Variants in MRAS observed in about 807,000 individuals in gnomAD.
MRAS encodes the protein ras-related protein M-Ras.
In MRAS, 4 loss-of-function variants were observed where a neutral mutation model predicts 20.9. The observed-to-expected ratio is 0.19, with a 90% CI of 0.09 to 0.44. The LOEUF is 0.44. MRAS is among the 20% of genes least tolerant of loss of function. The pLI is 0.99. For synonymous variants in MRAS, 98 were observed against 102.9 expected, an observed-to-expected ratio of 0.95 and a Z score of 0.29; for missense variants, 154 against 277.5, an observed-to-expected ratio of 0.56 and a Z score of 3.16.
chr3:138,372,088 G>A (rs528755252), intron 1 of MRAS, among the ~76,000 whole-genome samples: 76 of 152,140 alleles, frequency 5.0e-4, no homozygotes, highest in African/African-American at 1.5e-3. Flanking sequence ...ACTGCCCTGC[G>A]CATTGTACAA....
intron 1 of MRAS, among the ~76,000 whole-genome samples, chr3:138,351,507 C>G (rs1034481578): frequency 2.6e-5 from 4 of 152,302 alleles, no homozygotes; most frequent in Non-Finnish European, 5.9e-5. Flanking sequence ...GCAGAGAATT[C>G]AAGCTTTAAG....
chr3:138,357,206 G>A (rs937200942), intron 1 of MRAS, among the ~76,000 whole-genome samples: 1 of 152,190 alleles, frequency 6.6e-6, no homozygotes, highest in Admixed American at 6.5e-5. Context: ...TTGTGTGGAA[G>A]GAGAAGGTGG....
chr3:138,348,959 G>A (rs2054170713), intron 1 of MRAS, 192 bp downstream of exon 1: 1 of 152,164 alleles, frequency 6.6e-6, no homozygotes, highest in Non-Finnish European at 1.5e-5. Flanking sequence ...GTAACGGTGT[G>A]CGTTCGTGAA....
chr3:138,374,878 T>C (rs562826534), intron 2 of MRAS, among the ~76,000 whole-genome samples: 2 of 152,294 alleles, frequency 1.3e-5, no homozygotes, highest in South Asian at 2.1e-4. Flanking sequence ...GTAAATTACA[T>C]TGATTGTTTT....
chr3:138,372,398 G>A (rs2054693425), intron 1 of MRAS, among the ~76,000 whole-genome samples: 1 of 152,180 alleles, frequency 6.6e-6, no homozygotes, highest in South Asian at 2.1e-4. Context: ...GAGCTCAGGT[G>A]TGCTAAGCTA....
intron 2 of MRAS, among the ~76,000 whole-genome samples, chr3:138,391,318 T>A (rs1458072912): frequency 2.6e-5 from 4 of 152,244 alleles, no homozygotes; most frequent in Non-Finnish European, 1.5e-5. Context: ...CCTTCAATTC[T>A]CAACTGTGAT....
intron 2 of MRAS, among the ~76,000 whole-genome samples, chr3:138,379,809 A>G (rs1303330995): frequency 6.6e-6 from 1 of 152,102 alleles, no homozygotes; most frequent in Non-Finnish European, 1.5e-5. Flanking sequence ...GTATCACTTC[A>G]ATATACTGAT....
chr3:138,367,699 C>G (rs1205817021), intron 1 of MRAS, among the ~76,000 whole-genome samples: 2 of 152,178 alleles, frequency 1.3e-5, no homozygotes, highest in African/African-American at 2.4e-5. Context: ...CTGAGCTTCC[C>G]ATGTGTTGGG....
At chr3:138,388,398 TA>T (rs2055061124) in intron 2 of MRAS, among the ~76,000 whole-genome samples, 1 of 152,198 alleles carries the variant, frequency 6.6e-6, no homozygotes, top group Non-Finnish European at 1.5e-5. Context: ...TAGAGATACA[TA>T]AAACATTCTA....
intron 1 of MRAS, among the ~76,000 whole-genome samples, chr3:138,358,550 C>T (rs2108499970): frequency 6.6e-6 from 1 of 152,274 alleles, no homozygotes; most frequent in Non-Finnish European, 1.5e-5. Flanking sequence ...CATTTTGTAA[C>T]ATAAGGATTA....
At chr3:138,348,431 T>C (rs1429013154), upstream of MRAS, 1 of 152,096 alleles carries the variant, frequency 6.6e-6, no homozygotes, top group East Asian at 1.9e-4. Context: ...CTGGACTTCG[T>C]AGGCGCGCGT....
intron 1 of MRAS, among the ~76,000 whole-genome samples, chr3:138,351,777 G>A (rs183619005): frequency 7.2e-5 from 11 of 152,332 alleles, no homozygotes; most frequent in Admixed American, 2.6e-4. Context: ...AAGGCTGAGT[G>A]TCTGGAGTTC....
intron 2 of MRAS, among the ~76,000 whole-genome samples, chr3:138,396,582 G>A (rs977105280): frequency 3.9e-5 from 6 of 152,250 alleles, no homozygotes; most frequent in Admixed American, 2.0e-4. Flanking sequence ...GTGGCTGTGA[G>A]CAGTGGGATG....
chr3:138,393,529 CT>C (rs2055172240), intron 2 of MRAS, among the ~76,000 whole-genome samples: 3 of 152,126 alleles, frequency 2.0e-5, no homozygotes, highest in Admixed American at 2.0e-4. Context: ...ACTGTTTTTC[CT>C]TTCCATAGGG....
intron 2 of MRAS, among the ~76,000 whole-genome samples, chr3:138,388,966 C>T (rs540890941): frequency 1.3e-5 from 2 of 151,982 alleles, no homozygotes; most frequent in African/African-American, 4.8e-5. Context: ...CTCAGCCTCC[C>T]GAGGTGCTGG....
At chr3:138,371,627 G>A (rs556196446) in intron 1 of MRAS, among the ~76,000 whole-genome samples, 1 of 152,142 alleles carries the variant, frequency 6.6e-6, no homozygotes, top group Non-Finnish European at 1.5e-5. Flanking sequence ...ACAGCCGTAG[G>A]ATTAAGCTTT....
At chr3:138,377,722 C>A (rs1246375436) in intron 2 of MRAS, among the ~76,000 whole-genome samples, 1 of 152,206 alleles carries the variant, frequency 6.6e-6, no homozygotes, top group African/African-American at 2.4e-5. Flanking sequence ...CCCCACTGAA[C>A]TCCAGGGGAT....
chr3:138,360,462 C>A (rs147334672), intron 1 of MRAS, among the ~76,000 whole-genome samples: 161 of 152,324 alleles, frequency 1.1e-3, no homozygotes, highest in African/African-American at 3.2e-3. Context: ...GTGTGGCATC[C>A]CCAGCTCAGA....
At chr3:138,400,257 C>G (rs1344990540) in intron 4 of MRAS, 1 of 346,256 alleles carries the variant, frequency 2.9e-6, no homozygotes, top group African/African-American at 2.1e-5. Context: ...CTTTCATCTT[C>G]AAGTATATAA....
Sources: allele counts gnomAD v4.1 joint callset (sites outside exome capture counted in the v4.1 genomes callset), GRCh38; gene constraint gnomAD v4.1.1; transcripts MANE v1.5; gene names NCBI Gene and HGNC (gene_info 2026-07-23, HGNC 2026-07-21).